The following MTMR12 variants were observed in gnomAD, a reference collection of about 807,000 sequenced individuals.
MTMR12 encodes myotubularin related protein 12.
In MTMR12, 33 loss-of-function variants were observed where a neutral mutation model predicts 96.7. That is an observed-to-expected ratio of 0.34 (90% CI 0.26 to 0.46). The LOEUF (loss-of-function observed/expected upper bound fraction) is 0.46, where lower values mean the gene tolerates loss of function less well. MTMR12 is among the 20% of genes least tolerant of loss of function. The pLI is 1.00. For synonymous variants in MTMR12, 298 were observed against 327.2 expected, an observed-to-expected ratio of 0.91 and a Z score of 0.96; for missense variants, 721 against 896.1, an observed-to-expected ratio of 0.80 and a Z score of 2.49.
rs150809614 is a variant in MTMR12 at position 32,312,741 on chromosome 5, G to C, written c.81+17C>G. 7,527 of 1,498,652 alleles carry C rather than the reference G, an allele frequency of 5.0e-3. 310 individuals carry two copies. In the African/African-American group the frequency reaches 0.091, roughly 18 times the overall value. The allele number at this position is 1,498,652 out of a possible 1,614,324, so 92.8% of individuals were successfully genotyped here. A position where few individuals can be genotyped will look rare whatever the true frequency, so the allele number is the denominator to read the frequency against. On this transcript the variant is annotated intron_variant, in intron 1 of 15. Transcript: ENST00000382142. This position sits in a 1 kb window ranked among gnomAD's most constrained non-coding sequence, Gnocchi z 5.0. ...GCCGCCCCTGCCCGACGCCCCGCCT[G>C]CGCGGCGCCCCCTCACCTCAGGGCG... is the stretch of plus-strand genomic sequence containing the variant.
At chr5:32,235,882 G>C (rs1344592953) in intron 13 of MTMR12, among the ~76,000 whole-genome samples, 1 of 152,214 alleles carries the variant, frequency 6.6e-6, no homozygotes, top group African/African-American at 2.4e-5. Flanking sequence ...AGGGGGCTAA[G>C]AGAAGCTATG....
chr5:32,284,205 T>C (rs7729980), intron 1 of MTMR12, among the ~76,000 whole-genome samples: 69,894 of 149,798 alleles, frequency 0.47, 17,361 homozygotes, highest in African/African-American at 0.63. Flanking sequence ...GTAGTCCCAG[T>C]TACTCAGAAG....
At chr5:32,304,666 A>G (rs912263874) in intron 1 of MTMR12, among the ~76,000 whole-genome samples, 1 of 152,244 alleles carries the variant, frequency 6.6e-6, no homozygotes, top group Non-Finnish European at 1.5e-5. Context: ...GGGTCCCCAC[A>G]GCCTAAAATT....
intron 1 of MTMR12, among the ~76,000 whole-genome samples, chr5:32,284,676 C>T (rs1312183397): frequency 1.3e-5 from 2 of 152,168 alleles, no homozygotes; most frequent in South Asian, 2.1e-4. Flanking sequence ...CTACCAACTA[C>T]CTAGTTAGTA....
intron 8 of MTMR12, among the ~76,000 whole-genome samples, chr5:32,251,054 CTTTTTTTTTTT>C (rs1299015165): frequency 1.5e-5 from 2 of 131,026 alleles, no homozygotes; most frequent in Non-Finnish European, 3.3e-5. Flanking sequence ...AGGTCCCTCT[CTTTTTTTTTTT>C]TTTTTTTTGA....
In MTMR12 at chr5:32,230,089, G is replaced by A; in HGVS notation, c.1933C>T (p.Arg645Cys). The change falls in exon 16 of 16, where the codon CGT becomes TGT. Residue 645 changes from arginine to cysteine, a missense_variant. Arg to Cys is a radical substitution (Grantham distance 180). Coordinates refer to ENST00000382142, the MANE Select transcript of MTMR12 (RefSeq NM_001040446.3). Reference sequence around the variant, plus strand: ...AGGATTTGGGCTTCTGGAATCCAACGTAGGTAGCGCTGGGCCCAGACTTTG... The same window carrying A: ...AGGATTTGGGCTTCTGGAATCCAACATAGGTAGCGCTGGGCCCAGACTTTG... ...EIKVWAQRYL[R>C]WIPEAQILGG... 1.9e-6 allele frequency: 3 copies of A among 1,612,938 alleles called. No homozygotes were observed. The highest frequency in any genetic ancestry group is 2.5e-6 in the Non-Finnish European group (3 of 1,179,172).
At chr5:32,296,138 G>A (rs555428476) in intron 1 of MTMR12, among the ~76,000 whole-genome samples, 2 of 151,464 alleles carry the variant, frequency 1.3e-5, no homozygotes, top group African/African-American at 4.9e-5. Flanking sequence ...CAGCCTGGAC[G>A]ATGAGGCAAG....
chr5:32,256,589 C>T (rs1303236546), intron 7 of MTMR12, among the ~76,000 whole-genome samples: 1 of 152,224 alleles, frequency 6.6e-6, no homozygotes, highest in Non-Finnish European at 1.5e-5. Flanking sequence ...ATGTAGGTTT[C>T]TGTTAACAAG....
intron 6 of MTMR12, among the ~76,000 whole-genome samples, chr5:32,264,440 C>T (rs557066633): frequency 2.4e-4 from 36 of 151,830 alleles, no homozygotes; most frequent in African/African-American, 8.7e-4. Flanking sequence ...TACTAGGTAC[C>T]AGGTACTGTT....
At position 32,268,745 on chromosome 5, in the gene MTMR12, C is replaced by T. The variant is rs917602057; in HGVS notation, c.539G>A (p.Arg180Gln). Residue 180 changes from arginine (R) to glutamine (Q), a missense_variant, in exon 6 of 16, where the codon CGA (arginine) becomes CAA (glutamine). Coordinates refer to ENST00000382142, the MANE Select transcript of MTMR12 (RefSeq NM_001040446.3). ...HHTQAPKLLK[R>Q]LFLFSYATAA... ...AGTCGCATAGGAAAACAGAAATAATCGTTTAAGCAGTTTAGGAGCCTGGGT... is the reference window on the plus strand; with the variant it reads ...AGTCGCATAGGAAAACAGAAATAATTGTTTAAGCAGTTTAGGAGCCTGGGT... 46 of 1,613,980 alleles carry T rather than the reference C, an allele frequency of 2.9e-5. No individual in the cohort carries two copies. The highest frequency in any genetic ancestry group is 3.7e-5 in the Non-Finnish European group (44 of 1,179,912).
At chr5:32,280,106 C>T (rs987206396) in intron 1 of MTMR12, among the ~76,000 whole-genome samples, 2 of 152,138 alleles carry the variant, frequency 1.3e-5, no homozygotes, top group African/African-American at 2.4e-5. Context: ...GGACTCTTAC[C>T]AAGTTCACAT....
chr5:32,307,557 C>A (rs1429891302), intron 1 of MTMR12, among the ~76,000 whole-genome samples: 1 of 152,138 alleles, frequency 6.6e-6, no homozygotes, highest in African/African-American at 2.4e-5. Flanking sequence ...GTTTTCAAAA[C>A]ATAATCAAAG....
rs1038430147 is a variant in MTMR12, at chr5:32,229,101, C to T, written c.*677G>A. On this transcript the variant is annotated 3_prime_UTR_variant, in exon 16 of 16. Coordinates refer to ENST00000382142, the MANE Select transcript of MTMR12 (RefSeq NM_001040446.3). ...TGGTGTGGAGCAGGCGGAGGAAGAC[C>T]TGGGGCTGGCAGCACAGAAAAGAGG... 1.3e-5 allele frequency: 2 copies of T among 152,360 alleles called. No homozygotes were observed. The highest frequency in any genetic ancestry group is 2.9e-5 in the Non-Finnish European group (2 of 68,220). The allele number at this position is 152,360 out of a possible 1,614,324, so 9.4% of individuals were successfully genotyped here.
chr5:32,257,066 G>A lies in MTMR12; in HGVS notation c.714-1298C>T, dbSNP rs985059820. Reference sequence around the variant, plus strand: ...GGGAGGCTGAGGCATGGTGGCACACGCCTATAATCCCAACACTTTGGGGGG... The same window carrying A: ...GGGAGGCTGAGGCATGGTGGCACACACCTATAATCCCAACACTTTGGGGGG... On this transcript the variant is annotated intron_variant, in intron 7 of 15. Transcript: ENST00000382142. 2.6e-5 allele frequency among the ~76,000 whole-genome samples: 4 copies of A among 151,894 alleles called. No individual in the cohort carries two copies. The South Asian group carries it at 8.3e-4, about 32-fold the overall frequency.
chr5:32,311,257 A>T (rs990812973), intron 1 of MTMR12, among the ~76,000 whole-genome samples: 1 of 152,220 alleles, frequency 6.6e-6, no homozygotes, highest in African/African-American at 2.4e-5. Context: ...GAAATTGACC[A>T]CATTGCTTAA....
rs774660017 is a variant in MTMR12 at position 32,234,991 on chromosome 5, TGAA to T, written c.1480_1482del (p.Phe494del). On this transcript the variant is annotated inframe_deletion, in exon 14 of 16. Coordinates refer to ENST00000382142, the MANE Select transcript of MTMR12 (RefSeq NM_001040446.3). ...TTAGTATCTTTTTGATGAGGTGAAT[TGAA>T]GAAGAAGGTGCTAAAAATAGGTATA... is the stretch of plus-strand genomic sequence containing the variant. 4.3e-6 allele frequency: 7 copies of T among 1,613,658 alleles called. No individual in the cohort carries two copies. Among genetic ancestry groups the T allele is most frequent in the Non-Finnish European group, 4.2e-6 (5 of 1,179,646 alleles).
chr5:32,294,059 G>T (rs1230948143), intron 1 of MTMR12, among the ~76,000 whole-genome samples: 2 of 151,988 alleles, frequency 1.3e-5, no homozygotes, highest in Admixed American at 1.3e-4. Flanking sequence ...TCATTTCCTA[G>T]CTCGCATGCT....
chr5:32,269,950 T>C (rs1281380743), intron 5 of MTMR12, among the ~76,000 whole-genome samples: 3 of 152,234 alleles, frequency 2.0e-5, no homozygotes, highest in Non-Finnish European at 2.9e-5. Flanking sequence ...CTATACTCTT[T>C]TGTTGCTCAG....
intron 1 of MTMR12, 41 bp from the exon 2 acceptor site, chr5:32,276,783 GT>G: frequency 6.6e-7 from 1 of 1,514,924 alleles, no homozygotes; most frequent in Non-Finnish European, 9.1e-7. Context: ...TTGTTTAAGG[GT>G]TTAAAATGAA....
Sources: allele counts gnomAD v4.1 joint callset (sites outside exome capture counted in the v4.1 genomes callset), GRCh38; gene constraint gnomAD v4.1.1; non-coding constraint Gnocchi (gnomAD v3.1); transcripts MANE v1.5; gene names NCBI Gene and HGNC (gene_info 2026-07-23, HGNC 2026-07-21).